The following ACVR2A variants were observed in gnomAD, a reference collection of about 807,000 sequenced individuals.
ACVR2A encodes the protein activin A receptor type 2A.
A neutral mutation model predicts 61.4 loss-of-function variants in ACVR2A; 7 were observed. The observed-to-expected ratio is 0.11, with a 90% confidence interval of 0.06 to 0.21. The LOEUF (loss-of-function observed/expected upper bound fraction) is 0.21. ACVR2A is among the 10% of genes least tolerant of loss of function. The pLI, the probability that ACVR2A is intolerant of heterozygous loss-of-function variation, is 1.00. For synonymous variants in ACVR2A, 193 were observed against 208.3 expected, an observed-to-expected ratio of 0.93 and a Z score of 0.63; for missense variants, 322 against 621.7, an observed-to-expected ratio of 0.52 and a Z score of 5.13.
intron 1 of ACVR2A, among the ~76,000 whole-genome samples, chr2:147,856,522 T>G (rs1052887941): frequency 3.9e-5 from 6 of 152,274 alleles, no homozygotes; most frequent in African/African-American, 1.2e-4. Flanking sequence ...GGCCTTTCTT[T>G]TACCTGGTAG....
intron 1 of ACVR2A, among the ~76,000 whole-genome samples, chr2:147,854,991 C>T (rs916935167): frequency 5.9e-5 from 9 of 152,084 alleles, no homozygotes; most frequent in African/African-American, 2.2e-4. Flanking sequence ...AGTGATTCTC[C>T]TGCCTCAGCC....
At chr2:147,909,315 G>A (rs1573700441) in intron 4 of ACVR2A, among the ~76,000 whole-genome samples, 1 of 152,280 alleles carries the variant, frequency 6.6e-6, no homozygotes, top group South Asian at 2.1e-4. Context: ...CTGCACTGCT[G>A]CAAGCTTCAT....
At chr2:147,860,028 T>C (rs1034382067) in intron 1 of ACVR2A, among the ~76,000 whole-genome samples, 2 of 152,172 alleles carry the variant, frequency 1.3e-5, no homozygotes, top group South Asian at 4.1e-4. Flanking sequence ...AGACAAAGCA[T>C]TGGCTTTAGT....
chr2:147,858,040 A>G (rs1685631255), intron 1 of ACVR2A, among the ~76,000 whole-genome samples: 1 of 151,828 alleles, frequency 6.6e-6, no homozygotes. Context: ...TTTAGCTTTC[A>G]CTTGTGAGAA....
rs1355524776 is a variant in ACVR2A, at chr2:147,926,128, G to A, written c.1314G>A (p.Arg438=). The change falls in exon 10 of 11, where the codon AGG becomes AGA. Residue 438 remains arginine (R), a synonymous_variant. Transcript: ENST00000241416. ...MQEVVVHKKK[R]PVLRDYWQKH... is the part of the protein sequence containing the mutation. ...AAGTTGTTGTGCATAAAAAAAAGAGGCCTGTTTTAAGAGATTATTGGCAGA... is the reference window on the plus strand; with the variant it reads ...AAGTTGTTGTGCATAAAAAAAAGAGACCTGTTTTAAGAGATTATTGGCAGA... 1 of 1,611,516 alleles carries A rather than the reference G, an allele frequency of 6.2e-7. No homozygotes were observed. The highest frequency in any genetic ancestry group is 1.7e-5 in the Admixed American group (1 of 59,842).
rs769361157 is a variant in ACVR2A, at chr2:147,845,226, G to C, written c.55+19G>C. On this transcript the variant is annotated intron_variant, in intron 1 of 10. Coordinates refer to ENST00000241416, the MANE Select transcript of ACVR2A (RefSeq NM_001616.5). Reference sequence around the variant, plus strand: ...TCTTCAGGTAGGTGCAGGGAGCGCGGCGCGGTGGGGCTGCTCCTGCGGCCG... The same window carrying C: ...TCTTCAGGTAGGTGCAGGGAGCGCGCCGCGGTGGGGCTGCTCCTGCGGCCG... 6.2e-7 allele frequency: 1 copy of C among 1,609,794 alleles called. No individual in the cohort carries two copies. Among genetic ancestry groups the C allele is most frequent in the Non-Finnish European group, 8.5e-7 (1 of 1,178,618 alleles).
At chr2:147,852,131 G>A (rs1315046582) in intron 1 of ACVR2A, among the ~76,000 whole-genome samples, 1 of 151,726 alleles carries the variant, frequency 6.6e-6, no homozygotes, top group African/African-American at 2.4e-5. Context: ...AGATTTAGAG[G>A]GGATCTTAGG....
intron 1 of ACVR2A, among the ~76,000 whole-genome samples, chr2:147,895,124 G>A (rs1276857989): frequency 1.3e-5 from 2 of 151,880 alleles, no homozygotes; most frequent in East Asian, 3.9e-4. Flanking sequence ...TAAAATATAC[G>A]CACATCTATT....
At chr2:147,848,273 CA>C (rs2105127868) in intron 1 of ACVR2A, among the ~76,000 whole-genome samples, 1 of 152,140 alleles carries the variant, frequency 6.6e-6, no homozygotes, top group South Asian at 2.1e-4. Flanking sequence ...CAAAATGAAA[CA>C]AAATTCTCCC....
Position 147,918,872 on chromosome 2 carries a change from C to T in ACVR2A, c.962+280C>T, listed in dbSNP as rs1434628487. Among the ~76,000 whole-genome samples the T allele has an allele frequency of 2.6e-5, 4 of 152,086 alleles. No individual in the cohort carries two copies. In the East Asian group the frequency reaches 7.7e-4, roughly 29 times the overall value. On this transcript the variant is annotated intron_variant, in intron 7 of 10. Coordinates refer to ENST00000241416, the MANE Select transcript of ACVR2A (RefSeq NM_001616.5). ...TTTTCTCGATCTCAAAGGAAAAAGA[C>T]ATTTGTTTTACCTCAAAACATGATT...
At chr2:147,880,241 A>G (rs540834008) in intron 1 of ACVR2A, among the ~76,000 whole-genome samples, 2 of 152,148 alleles carry the variant, frequency 1.3e-5, no homozygotes, top group Non-Finnish European at 2.9e-5. Context: ...GGTTCTTGCT[A>G]TGTTGCTTAG....
chr2:147,859,722 C>T (rs368316693), intron 1 of ACVR2A, among the ~76,000 whole-genome samples: 1 of 151,754 alleles, frequency 6.6e-6, no homozygotes, highest in Non-Finnish European at 1.5e-5. Flanking sequence ...GTATATGAGG[C>T]GCATGAAAAG....
intron 9 of ACVR2A, chr2:147,925,794 G>T (rs1475157913): frequency 9.8e-6 from 4 of 408,630 alleles, no homozygotes; most frequent in Non-Finnish European, 1.7e-5. Context: ...AGATAAGAAA[G>T]CCCCTTATGC....
At chr2:147,927,015 T>G in intron 10 of ACVR2A, 65 bp from the exon 11 acceptor site, 1 of 1,489,550 alleles carries the variant, frequency 6.7e-7, no homozygotes, top group Non-Finnish European at 9.1e-7. Flanking sequence ...CATGAAAATT[T>G]TATTGTTTCC....
chr2:147,902,501 A>T (rs1686892422), intron 4 of ACVR2A, among the ~76,000 whole-genome samples: 1 of 152,044 alleles, frequency 6.6e-6, no homozygotes, highest in African/African-American at 2.4e-5. Flanking sequence ...GACTACTAAA[A>T]TGAGGAATAA....
At chr2:147,880,702 T>C (rs1440418867) in intron 1 of ACVR2A, among the ~76,000 whole-genome samples, 2 of 152,228 alleles carry the variant, frequency 1.3e-5, no homozygotes, top group Non-Finnish European at 2.9e-5. Flanking sequence ...AAGTTAGCTA[T>C]TTCTCAAACT....
intron 4 of ACVR2A, among the ~76,000 whole-genome samples, chr2:147,903,251 G>GTT (rs541370028): frequency 1.3e-4 from 18 of 141,200 alleles, no homozygotes; most frequent in Admixed American, 5.7e-4. Flanking sequence ...TTTTCTGGTC[G>GTT]TTTTTTTTTT....
chr2:147,904,872 TTTA>T (rs1427957479), intron 4 of ACVR2A, among the ~76,000 whole-genome samples: 8 of 152,092 alleles, frequency 5.3e-5, no homozygotes, highest in Non-Finnish European at 1.2e-4. Context: ...ATTTACTAAA[TTTA>T]TTGAGTATTT....
intron 1 of ACVR2A, among the ~76,000 whole-genome samples, chr2:147,869,336 G>C (rs1391387818): frequency 6.6e-6 from 1 of 150,884 alleles, no homozygotes; most frequent in African/African-American, 2.4e-5. Flanking sequence ...TCATTCATAA[G>C]GGAGACTGAC....
Sources: allele counts gnomAD v4.1 joint callset (sites outside exome capture counted in the v4.1 genomes callset), GRCh38; gene constraint gnomAD v4.1.1; transcripts MANE v1.5; gene names NCBI Gene and HGNC (gene_info 2026-07-23, HGNC 2026-07-21).